The following TNR variants were observed in gnomAD, a reference collection of about 807,000 sequenced individuals.
TNR encodes the protein tenascin R.
Under a neutral mutation model 150.4 loss-of-function variants are expected in TNR, and 45 were observed. That is an observed-to-expected ratio of 0.30 (90% CI 0.24 to 0.38). TNR has a LOEUF of 0.38. TNR is among the 10% of genes least tolerant of loss of function. TNR has a pLI of 1.00. For missense variants in TNR, 1,544 were observed against 1,759.1 expected (o/e 0.88, Z 2.19); for synonymous variants, 687 against 678.4 (o/e 1.01, Z -0.20).
intron 2 of TNR, among the ~76,000 whole-genome samples, chr1:175,516,573 T>G (rs914418762): frequency 3.3e-5 from 5 of 152,148 alleles, no homozygotes; most frequent in Non-Finnish European, 7.4e-5. Flanking sequence ...CATTCCCATA[T>G]GGATCAAGCA....
rs543111408 is a variant in TNR, at chr1:175,713,718, T to C, written c.-165+29508A>G. Among the ~76,000 whole-genome samples the C allele has an allele frequency of 3.4e-4, 51 of 152,054 alleles. 1 individual carries two copies. In the South Asian group the frequency reaches 0.01, roughly 31 times the overall value. On this transcript the variant is annotated intron_variant, in intron 1 of 22. Coordinates refer to ENST00000367674, the MANE Select transcript of TNR (RefSeq NM_003285.3). ...AAAGGAAAAAGTCTTAGGAGAAGAG[T>C]GACATTTCTCTGAGAAACAAAAGAA...
chr1:175,676,612 G>A (rs1225579647), intron 1 of TNR, among the ~76,000 whole-genome samples: 1 of 152,158 alleles, frequency 6.6e-6, no homozygotes, highest in East Asian at 1.9e-4. Flanking sequence ...AAGGCCAGAA[G>A]ACTCACCAGC....
At position 175,592,676 on chromosome 1, in the gene TNR, A is replaced by G. The variant is rs574419583; in HGVS notation, c.-164-64307T>C. ...AACCATCATTCAGCGGAGAGCATCA[A>G]GTGAGTTACAGAGGAGGCAACTGAA... is the stretch of plus-strand genomic sequence containing the variant. On this transcript the variant is annotated intron_variant, in intron 1 of 22. Transcript: ENST00000367674. Among the ~76,000 whole-genome samples, 19 of 152,344 alleles carry G rather than the reference A, an allele frequency of 1.2e-4. No individual in the cohort carries two copies. The South Asian group carries it at 3.7e-3, about 30-fold the overall frequency.
At chr1:175,589,831 A>G (rs1272070551) in intron 1 of TNR, among the ~76,000 whole-genome samples, 1 of 151,730 alleles carries the variant, frequency 6.6e-6, no homozygotes, top group Non-Finnish European at 1.5e-5. Flanking sequence ...GGAACATCAC[A>G]CACCGGGGCC....
At chr1:175,378,706 T>G (rs909848362) in intron 9 of TNR, among the ~76,000 whole-genome samples, 1 of 152,126 alleles carries the variant, frequency 6.6e-6, no homozygotes, top group African/African-American at 2.4e-5. Context: ...GAAGCAGACT[T>G]GTGGGCCTGG....
chr1:175,715,126 GT>G (rs577061348), intron 1 of TNR, among the ~76,000 whole-genome samples: 136 of 152,300 alleles, frequency 8.9e-4, no homozygotes, highest in Middle Eastern at 3.4e-3. Flanking sequence ...ACTGAAACAG[GT>G]TCTGCATTTA....
chr1:175,721,921 C>A (rs1162059661), intron 1 of TNR, among the ~76,000 whole-genome samples: 2 of 150,970 alleles, frequency 1.3e-5, no homozygotes, highest in Non-Finnish European at 2.9e-5. Context: ...CAGCTGTGAG[C>A]CTGGCATCAG....
intron 2 of TNR, among the ~76,000 whole-genome samples, chr1:175,493,976 C>T (rs1466818002): frequency 1.3e-5 from 2 of 152,176 alleles, no homozygotes; most frequent in Admixed American, 1.3e-4. Flanking sequence ...TCTTCTTGAA[C>T]GCCCACTCTC....
At chr1:175,628,547 CT>C (rs1042096754) in intron 1 of TNR, among the ~76,000 whole-genome samples, 4 of 151,456 alleles carry the variant, frequency 2.6e-5, no homozygotes, top group African/African-American at 9.7e-5. Flanking sequence ...AGAATGGCAC[CT>C]TTTTTTGCGC....
At chr1:175,667,577 C>G (rs1437143140) in intron 1 of TNR, among the ~76,000 whole-genome samples, 4 of 152,144 alleles carry the variant, frequency 2.6e-5, no homozygotes, top group Admixed American at 2.6e-4. Context: ...TACAAGTAAA[C>G]AGGGAATTTC....
At chr1:175,510,976 C>CA (rs368241781) in intron 2 of TNR, among the ~76,000 whole-genome samples, 2 of 152,144 alleles carry the variant, frequency 1.3e-5, no homozygotes, top group South Asian at 4.1e-4. Context: ...GCTTATATGG[C>CA]AAAAAATATC....
chr1:175,466,322 T>G (rs1426267258), intron 2 of TNR, among the ~76,000 whole-genome samples: 2 of 152,208 alleles, frequency 1.3e-5, no homozygotes, highest in Non-Finnish European at 2.9e-5. Context: ...GGTTTTCAAT[T>G]TGTCTCTCAG....
intron 2 of TNR, among the ~76,000 whole-genome samples, chr1:175,523,837 A>T (rs1332676040): frequency 6.6e-6 from 1 of 152,190 alleles, no homozygotes; most frequent in Non-Finnish European, 1.5e-5. Flanking sequence ...AAAGTTTCTC[A>T]GGATCTCCAC....
At chr1:175,616,952 A>C (rs1038220464) in intron 1 of TNR, among the ~76,000 whole-genome samples, 1 of 152,156 alleles carries the variant, frequency 6.6e-6, no homozygotes, top group African/African-American at 2.4e-5. Flanking sequence ...AGCCATCTAT[A>C]ATTCTGGTAT....
chr1:175,501,028 G>T (rs1658712116), intron 2 of TNR, among the ~76,000 whole-genome samples: 1 of 152,152 alleles, frequency 6.6e-6, no homozygotes, highest in South Asian at 2.1e-4. Flanking sequence ...CTGTGAGTGT[G>T]GCGAGGAACC....
At chr1:175,331,082 T>TTCTTTCTTTCC (rs1649836627) in intron 20 of TNR, among the ~76,000 whole-genome samples, 3 of 86,430 alleles carry the variant, frequency 3.5e-5, no homozygotes, top group African/African-American at 7.7e-5. Context: ...TCTTTCCTTC[T>TTCTTTCTTTCC]TTCTTTCTTT....
intron 2 of TNR, among the ~76,000 whole-genome samples, chr1:175,499,984 A>C (rs944604941): frequency 1.3e-5 from 2 of 152,216 alleles, no homozygotes; most frequent in African/African-American, 4.8e-5. Flanking sequence ...GGTTGTGTCC[A>C]TCAGAGTCTG....
intron 2 of TNR, among the ~76,000 whole-genome samples, chr1:175,444,073 G>A: frequency 6.6e-6 from 1 of 152,086 alleles, no homozygotes; most frequent in South Asian, 2.1e-4. Flanking sequence ...AGATCTCCTG[G>A]GACAGGGAGG....
chr1:175,409,897 T>C (rs1654134060), intron 2 of TNR, among the ~76,000 whole-genome samples: 1 of 152,232 alleles, frequency 6.6e-6, no homozygotes, highest in South Asian at 2.1e-4. Flanking sequence ...CCACAGACAA[T>C]TATATATGTC....
Sources: allele counts gnomAD v4.1 joint callset (sites outside exome capture counted in the v4.1 genomes callset), GRCh38; gene constraint gnomAD v4.1.1; transcripts MANE v1.5; gene names NCBI Gene and HGNC (gene_info 2026-07-23, HGNC 2026-07-21).